Variants in NOTCH4 observed in about 807,000 individuals in gnomAD.
The protein encoded by NOTCH4 is neurogenic locus notch homolog protein 4.
Under a neutral mutation model 189.0 loss-of-function variants are expected in NOTCH4, and 138 were observed. That is an observed-to-expected ratio of 0.73 (90% CI 0.64 to 0.84). The LOEUF (loss-of-function observed/expected upper bound fraction) is 0.84, where lower values mean the gene tolerates loss of function less well. Among genes scored for constraint, NOTCH4 ranks in the 40% least tolerant of loss-of-function variants. NOTCH4 has a pLI of 0.00. For synonymous variants in NOTCH4, 942 were observed against 1,032.8 expected (o/e 0.91, Z 1.69); for missense variants, 2,286 against 2,605.4 (o/e 0.88, Z 2.67).
At position 32,217,290 on chromosome 6, in the gene NOTCH4, G is replaced by T. The variant is rs747296698; in HGVS notation, c.1625-24C>A. 2.0e-6 allele frequency: 3 copies of T among 1,521,500 alleles called. No homozygotes were observed. The South Asian group carries it at 3.4e-5, about 17-fold the overall frequency. The allele number at this position is 1,521,500 out of a possible 1,614,324, so 94.2% of individuals were successfully genotyped here. A position where few individuals can be genotyped will look rare whatever the true frequency, so the allele number is the denominator to read the frequency against. ...TCCTGGTGGGGCGGAAGTGGGTGGG[G>T]AGAGGAGGCCAAGGTCATCGAGGGA... On this transcript the variant is annotated intron_variant, in intron 9 of 29. Coordinates refer to ENST00000375023, the MANE Select transcript of NOTCH4 (RefSeq NM_004557.4). This position sits in a 1 kb window ranked among gnomAD's most constrained non-coding sequence, Gnocchi z 4.2.
At chr6:32,214,479 A>T (rs1413958722) in intron 12 of NOTCH4, among the ~76,000 whole-genome samples, 1 of 119,132 alleles carries the variant, frequency 8.4e-6, no homozygotes, top group Non-Finnish European at 1.8e-5. Flanking sequence ...ATATATATAT[A>T]TATATACACA....
intron 7 of NOTCH4, 50 bp from the exon 8 acceptor site, chr6:32,219,836 C>A: frequency 2.0e-6 from 3 of 1,479,052 alleles, no homozygotes; most frequent in Admixed American, 1.9e-5. Flanking sequence ...GCAGGAAGGG[C>A]AAGGAGGTGA....
Position 32,220,189 on chromosome 6 carries a change from G to T in NOTCH4, c.1255C>A (p.Leu419Met). The change falls in exon 7 of 30, where the codon CTG (leucine) becomes ATG (methionine). Residue 419 changes from leucine to methionine, a missense_variant. Leu to Met is a conservative substitution (Grantham distance 15). Coordinates refer to ENST00000375023, the MANE Select transcript of NOTCH4 (RefSeq NM_004557.4). ...TNPLTGSTLC[L>M]CQPGYSGPTC... ...GGCCCCGAATAGCCAGGCTGACACAGGCAGAGTGTGGAGCCTGTGAGGGGG... is the reference window on the plus strand; with the variant it reads ...GGCCCCGAATAGCCAGGCTGACACATGCAGAGTGTGGAGCCTGTGAGGGGG... 1.9e-6 allele frequency: 3 copies of T among 1,614,054 alleles called. No individual in the cohort carries two copies. Among genetic ancestry groups the T allele is most frequent in the Non-Finnish European group, 8.5e-7 (1 of 1,179,980 alleles).
Position 32,212,907 on chromosome 6 carries a change from AG to A in NOTCH4, c.2442del (p.Cys815ValfsTer30). Reference sequence around the variant, plus strand: ...TCCTGGCAGGTTGCCCTATTCCTACAGGGGCTGAACAAGACAGAGACAGGGC... The same window carrying A: ...TCCTGGCAGGTTGCCCTATTCCTACAGGGCTGAACAAGACAGAGACAGGGC... ...GKLRPSCADS[P>X]CRNRATCQDS... is the part of the protein sequence containing the mutation. On this transcript the variant is annotated frameshift_variant, in exon 16 of 30. Coordinates refer to ENST00000375023, the MANE Select transcript of NOTCH4 (RefSeq NM_004557.4). LOFTEE classifies it high-confidence loss of function. This position sits in a 1 kb window ranked among gnomAD's most constrained non-coding sequence, Gnocchi z 4.4. 1 of 1,563,888 alleles carries A rather than the reference AG, an allele frequency of 6.4e-7. No homozygotes were observed. The highest frequency in any genetic ancestry group is 8.7e-7 in the Non-Finnish European group (1 of 1,153,656).
Position 32,196,050 on chromosome 6 carries a change from C to T in NOTCH4, c.5399G>A (p.Gly1800Glu), listed in dbSNP as rs955140114. The change falls in exon 30 of 30, where the codon GGG becomes GAG. Residue 1800 changes from glycine (G) to glutamate (E), a missense_variant. Gly to Glu is a moderately conservative substitution (Grantham distance 98, BLOSUM62 -2). This residue lies in a region of NOTCH4 where 383 missense variants were observed against 343.5 expected (regional missense o/e 1.11). Coordinates refer to ENST00000375023, the MANE Select transcript of NOTCH4 (RefSeq NM_004557.4). ...GAARELRDQA[G>E]LAPADVAHQR... Reference sequence around the variant, plus strand: ...GTGAGCGACGTCCGCCGGCGCTAGCCCAGCCTGGTCCCGCAGCTCTCGGGC... The same window carrying T: ...GTGAGCGACGTCCGCCGGCGCTAGCTCAGCCTGGTCCCGCAGCTCTCGGGC... 2 of 1,594,526 alleles carry T rather than the reference C, an allele frequency of 1.3e-6. No homozygotes were observed. Among genetic ancestry groups the T allele is most frequent in the Non-Finnish European group, 1.7e-6 (2 of 1,177,198 alleles).
rs372867762 is a variant in NOTCH4, at chr6:32,200,346, G to C, written c.4315+485C>G. Among the ~76,000 whole-genome samples, 43 of 152,078 alleles carry C rather than the reference G, an allele frequency of 2.8e-4. No individual in the cohort carries two copies. Among genetic ancestry groups the C allele is most frequent in the African/African-American group, 9.6e-4 (40 of 41,468 alleles). ...CTGCCTCAGCCTCCTGAGTAGCTGA[G>C]ACTACAAGCACCCGCCACCACAGCC... On this transcript the variant is annotated intron_variant, in intron 23 of 29. Coordinates refer to ENST00000375023, the MANE Select transcript of NOTCH4 (RefSeq NM_004557.4). This position sits in a 1 kb window ranked among gnomAD's most constrained non-coding sequence, Gnocchi z 5.0.
chr6:32,213,669 T>G lies in NOTCH4; in HGVS notation c.2320+19A>C. 6.2e-7 allele frequency: 1 copy of G among 1,611,662 alleles called. No homozygotes were observed. Among genetic ancestry groups the G allele is most frequent in the South Asian group, 1.1e-5 (1 of 90,990 alleles). On this transcript the variant is annotated intron_variant, in intron 14 of 29. Coordinates refer to ENST00000375023, the MANE Select transcript of NOTCH4 (RefSeq NM_004557.4). ...CATTCTCCTGTGGACCCCAGCCCCA[T>G]GACACAGTGGGCACTCACCAGACAC...
In NOTCH4 at chr6:32,195,422, C is replaced by A; in HGVS notation, c.*15G>T. 1 of 1,553,346 alleles carries A rather than the reference C, an allele frequency of 6.4e-7. No homozygotes were observed. Among genetic ancestry groups the A allele is most frequent in the Non-Finnish European group, 8.7e-7 (1 of 1,149,448 alleles). On this transcript the variant is annotated 3_prime_UTR_variant, in exon 30 of 30. Coordinates refer to ENST00000375023, the MANE Select transcript of NOTCH4 (RefSeq NM_004557.4). This position sits in a 1 kb window ranked among gnomAD's most constrained non-coding sequence, Gnocchi z 5.4. ...GGGTAATCATTTTTGGAATTCCTCCCTACCATGTATTCTTCTATTTTTTAC... is the reference window on the plus strand; with the variant it reads ...GGGTAATCATTTTTGGAATTCCTCCATACCATGTATTCTTCTATTTTTTAC...
At position 32,210,672 on chromosome 6, in the gene NOTCH4, G is replaced by A; in HGVS notation, c.2865+80C>T. Reference sequence around the variant, plus strand: ...AAAAGGAGGTGAAATGGATACATTGGGTCTTCCCTCAGTCACTACTGTCTC... The same window carrying A: ...AAAAGGAGGTGAAATGGATACATTGAGTCTTCCCTCAGTCACTACTGTCTC... On this transcript the variant is annotated intron_variant, in intron 18 of 29. Coordinates refer to ENST00000375023, the MANE Select transcript of NOTCH4 (RefSeq NM_004557.4). The surrounding 1 kb of genome is among the most constrained non-coding windows in gnomAD (Gnocchi z 4.8). The A allele has an allele frequency of 1.1e-5, 15 of 1,367,738 alleles. No individual in the cohort carries two copies. The highest frequency in any genetic ancestry group is 1.6e-5 in the Non-Finnish European group (15 of 965,240). The allele number at this position is 1,367,738 out of a possible 1,614,324, so 84.7% of individuals were successfully genotyped here.
chr6:32,221,418 T>A lies in NOTCH4; in HGVS notation c.452-93A>T, dbSNP rs1789775027. The A allele has an allele frequency of 9.0e-6, 8 of 887,956 alleles. No homozygotes were observed. Among genetic ancestry groups the A allele is most frequent in the Non-Finnish European group, 1.4e-5 (8 of 577,682 alleles). 55.0% of individuals were successfully genotyped at this position (887,956 alleles called of 1,614,324 possible). A position where few individuals can be genotyped will look rare whatever the true frequency, so the allele number is the denominator to read the frequency against. On this transcript the variant is annotated intron_variant, in intron 3 of 29. Transcript: ENST00000375023. This position sits in a 1 kb window ranked among gnomAD's most constrained non-coding sequence, Gnocchi z 4.3. ...GTGCTCACTCTGGATTATCTCTGGG[T>A]CTCATTTTCATATTTCCTTCCCTTT...
rs532430609 is a variant in NOTCH4, at chr6:32,221,771, G to A, written c.452-446C>T. The stretch of plus-strand genomic sequence containing the variant: ...CTCACTTCACAGTCCATGTGCACCA[G>A]TGGTAATGGCGGCAGCAGTGGAGGT... On this transcript the variant is annotated intron_variant, in intron 3 of 29. Transcript: ENST00000375023. This position sits in a 1 kb window ranked among gnomAD's most constrained non-coding sequence, Gnocchi z 4.3. 2.2e-4 allele frequency among the ~76,000 whole-genome samples: 33 copies of A among 152,314 alleles called. No individual in the cohort carries two copies. The highest frequency in any genetic ancestry group is 2.2e-3 in the Admixed American group (33 of 15,302).
chr6:32,196,902 A>T, intron 28 of NOTCH4, 23 bp downstream of exon 28: 1 of 1,612,572 alleles, frequency 6.2e-7, no homozygotes, highest in South Asian at 1.1e-5. Flanking sequence ...TCTATAGCAT[A>T]CATCACCCCT....
At chr6:32,207,733 T>TA (rs990223518) in intron 18 of NOTCH4, among the ~76,000 whole-genome samples, 151 of 144,966 alleles carry the variant, frequency 1.0e-3, no homozygotes, top group African/African-American at 3.5e-3. Flanking sequence ...TTGAAGCCAC[T>TA]AAAAAAAAAA....
chr6:32,222,048 C>G lies in NOTCH4; in HGVS notation c.451+463G>C, dbSNP rs548803146. Among the ~76,000 whole-genome samples the G allele has an allele frequency of 2.9e-3, 442 of 152,262 alleles. 2 individuals carry two copies. Among genetic ancestry groups the G allele is most frequent in the Middle Eastern group, 0.01 (3 of 294 alleles). On this transcript the variant is annotated intron_variant, in intron 3 of 29. Coordinates refer to ENST00000375023, the MANE Select transcript of NOTCH4 (RefSeq NM_004557.4). ...GGTTACACCCCTCCTCCTGGGGCGGCCCCCAATCCACTCTCTGGGTCACAT... is the reference window on the plus strand; with the variant it reads ...GGTTACACCCCTCCTCCTGGGGCGGGCCCCAATCCACTCTCTGGGTCACAT...
intron 18 of NOTCH4, among the ~76,000 whole-genome samples, chr6:32,206,502 G>A (rs1328622220): frequency 6.6e-6 from 1 of 152,020 alleles, no homozygotes; most frequent in Non-Finnish European, 1.5e-5. Context: ...AGAAGTGAAA[G>A]AGTACTGCAA....
At chr6:32,211,717 C>G (rs2555469) in intron 17 of NOTCH4, among the ~76,000 whole-genome samples, 8,598 of 152,214 alleles carry the variant, frequency 0.056, 340 homozygotes, top group East Asian at 0.2. Context: ...TTGGGGACCA[C>G]TAACATTCCT....
In NOTCH4 at chr6:32,220,274, G is replaced by T; in HGVS notation, c.1170C>A (p.Cys390Ter). Residue 390 changes from cysteine (C) to a stop codon, truncating the protein, a stop_gained, in exon 7 of 30, where the codon TGC (cysteine) becomes TGA (stop). Transcript: ENST00000375023. LOFTEE classifies it high-confidence loss of function. ...LCPPGRTGLL[C>*]HLEDMCLSQP... ...GGCTCAGACACATGTCTTCCAAGTGGCACAGGAGTCCTGGAGGGGTAAGAG... is the reference window on the plus strand; with the variant it reads ...GGCTCAGACACATGTCTTCCAAGTGTCACAGGAGTCCTGGAGGGGTAAGAG... 6.2e-7 allele frequency: 1 copy of T among 1,613,038 alleles called. No homozygotes were observed. Among genetic ancestry groups the T allele is most frequent in the Non-Finnish European group, 8.5e-7 (1 of 1,179,398 alleles).
At position 32,219,764 on chromosome 6, in the gene NOTCH4, A is replaced by T. The variant is rs1298420947; in HGVS notation, c.1338T>A (p.Cys446Ter). Residue 446 changes from cysteine (C) to a stop codon, truncating the protein, a stop_gained, in exon 8 of 30, where the codon TGT (cysteine) becomes TGA (stop). Coordinates refer to ENST00000375023, the MANE Select transcript of NOTCH4 (RefSeq NM_004557.4). LOFTEE classifies it high-confidence loss of function. ...CLMAQQGPSP[C>*]EHGGSCLNTP... is the part of the protein sequence containing the mutation. ...TGTTGAGGCAGGAACCGCCATGTTC[A>T]CAGGGACTTGGGCCTTGCTGGGCTG... 1 of 1,612,814 alleles carries T rather than the reference A, an allele frequency of 6.2e-7. No individual in the cohort carries two copies. The highest frequency in any genetic ancestry group is 2.2e-5 in the East Asian group (1 of 44,846).
chr6:32,199,838 G>A lies in NOTCH4; in HGVS notation c.4316-693C>T, dbSNP rs1185188329. Among the ~76,000 whole-genome samples the A allele has an allele frequency of 5.9e-5, 9 of 152,158 alleles. No homozygotes were observed. Among genetic ancestry groups the A allele is most frequent in the Non-Finnish European group, 1.3e-4 (9 of 68,036 alleles). Reference sequence around the variant, plus strand: ...AGAGGTTGCAGTGAGCTGAGATGGCGTCACTGTACTCCAGTGTGGCTGACA... The same window carrying A: ...AGAGGTTGCAGTGAGCTGAGATGGCATCACTGTACTCCAGTGTGGCTGACA... On this transcript the variant is annotated intron_variant, in intron 23 of 29. Coordinates refer to ENST00000375023, the MANE Select transcript of NOTCH4 (RefSeq NM_004557.4). This position sits in a 1 kb window ranked among gnomAD's most constrained non-coding sequence, Gnocchi z 4.9.
Sources: allele counts gnomAD v4.1 joint callset (sites outside exome capture counted in the v4.1 genomes callset), GRCh38; gene constraint gnomAD v4.1.1; regional missense constraint gnomAD v4.1.1; non-coding constraint Gnocchi (gnomAD v3.1); transcripts MANE v1.5; gene names NCBI Gene and HGNC (gene_info 2026-07-23, HGNC 2026-07-21).